The following XXYLT1 variants were observed in gnomAD, a reference collection of about 807,000 sequenced individuals.
XXYLT1 encodes xyloside xylosyltransferase 1.
XXYLT1 carries 20 observed loss-of-function variants against 28.9 expected under a neutral mutation model. The observed-to-expected ratio is 0.69, with a 90% CI of 0.49 to 1.00. The LOEUF is 1.00. Ranked by LOEUF, XXYLT1 falls within the 50% of genes least tolerant of loss-of-function variation. The pLI is 0.00. For missense variants in XXYLT1, 542 were observed against 560.1 expected (o/e 0.97, Z 0.33); for synonymous variants, 257 against 253.8 (o/e 1.01, Z -0.12).
chr3:195,234,419 A>G (rs1401321946), intron 1 of XXYLT1, among the ~76,000 whole-genome samples: 2 of 135,660 alleles, frequency 1.5e-5, no homozygotes, highest in East Asian at 4.6e-4. Flanking sequence ...CCCAGATTAA[A>G]GCGATTGTCC....
At chr3:195,251,066 A>G (rs1725233839) in intron 1 of XXYLT1, among the ~76,000 whole-genome samples, 1 of 152,174 alleles carries the variant, frequency 6.6e-6, no homozygotes, top group South Asian at 2.1e-4. Flanking sequence ...CTGGGATCTG[A>G]GGACTCCCTC....
chr3:195,157,444 T>C (rs1233536458), intron 2 of XXYLT1, among the ~76,000 whole-genome samples: 1 of 152,146 alleles, frequency 6.6e-6, no homozygotes, highest in African/African-American at 2.4e-5. Context: ...GATACCACAG[T>C]GTTTTTAATC....
chr3:195,191,754 C>G (rs1191501166), intron 2 of XXYLT1, among the ~76,000 whole-genome samples: 1 of 152,158 alleles, frequency 6.6e-6, no homozygotes, highest in African/African-American at 2.4e-5. Context: ...GACTTTACAA[C>G]AAGATCATTA....
intron 3 of XXYLT1, among the ~76,000 whole-genome samples, chr3:195,106,772 G>A (rs1303171925): frequency 6.6e-6 from 1 of 152,220 alleles, no homozygotes; most frequent in Non-Finnish European, 1.5e-5. Context: ...TGCCACCTCT[G>A]TCTGCCTCAG....
chr3:195,220,000 G>A (rs746751714), intron 2 of XXYLT1, among the ~76,000 whole-genome samples: 8 of 152,248 alleles, frequency 5.3e-5, no homozygotes, highest in Non-Finnish European at 7.4e-5. Context: ...ATAGATCTCC[G>A]CAGGAAACGA....
At position 195,271,123 on chromosome 3, in the gene XXYLT1, CGGCGGCCACTTAGCCCCGGCGCCA is replaced by C. The variant is rs943669320; in HGVS notation, c.-89_-66del. 9.6e-5 allele frequency: 122 copies of C among 1,272,162 alleles called. No homozygotes were observed. The African/African-American group carries it at 1.7e-3, about 18-fold the overall frequency. The allele number at this position is 1,272,162 out of a possible 1,614,324, so 78.8% of individuals were successfully genotyped here. A position where few individuals can be genotyped will look rare whatever the true frequency, so the allele number is the denominator to read the frequency against. On this transcript the variant is annotated 5_prime_UTR_variant, in exon 1 of 4. It removes the in-frame stop codon of an upstream open reading frame in the 5' UTR. Transcript: ENST00000310380. ...GGAGAGCCCTCGGGTACCCGGACGC[CGGCGGCCACTTAGCCCCGGCGCCA>C]GGCGGCGGCCATGAAAGGGGCGGGG...
intron 2 of XXYLT1, among the ~76,000 whole-genome samples, chr3:195,167,951 C>T (rs757819693): frequency 1.5e-4 from 23 of 152,196 alleles, no homozygotes; most frequent in Admixed American, 3.3e-4. Context: ...CACTCATACT[C>T]GATGAAGAAA....
At chr3:195,183,897 GATCGAAGGGCT>G in intron 2 of XXYLT1, among the ~76,000 whole-genome samples, 1 of 152,322 alleles carries the variant, frequency 6.6e-6, no homozygotes, top group Admixed American at 6.5e-5. Context: ...CACTTCCCAG[GATCGAAGGGCT>G]ATGTGATCCA....
At chr3:195,141,089 C>T (rs958835429) in intron 3 of XXYLT1, among the ~76,000 whole-genome samples, 4 of 152,204 alleles carry the variant, frequency 2.6e-5, no homozygotes, top group Admixed American at 6.5e-5. Flanking sequence ...GATCTGCCAG[C>T]ACCTTGATCT....
chr3:195,180,617 A>T lies in XXYLT1; in HGVS notation c.653-24036T>A, dbSNP rs1184935577. ...AGCGTGATGTGGCCCCGTCTGGCTA[A>T]GAGCACCAGACGGCGGTGGCTGGAG... On this transcript the variant is annotated intron_variant, in intron 2 of 3. Transcript: ENST00000310380. This position sits in a 1 kb window ranked among gnomAD's most constrained non-coding sequence, Gnocchi z 5.8. 2.1e-6 allele frequency: 2 copies of T among 934,136 alleles called. No homozygotes were observed. The highest frequency in any genetic ancestry group is 3.6e-5 in the African/African-American group (2 of 56,306). 57.9% of individuals were successfully genotyped at this position (934,136 alleles called of 1,614,324 possible). A position where few individuals can be genotyped will look rare whatever the true frequency, so the allele number is the denominator to read the frequency against.
At chr3:195,102,525 A>G (rs1260726756) in intron 3 of XXYLT1, among the ~76,000 whole-genome samples, 4 of 152,062 alleles carry the variant, frequency 2.6e-5, no homozygotes, top group Non-Finnish European at 4.4e-5. Context: ...GATTCTACAT[A>G]TAAGTGAGAT....
chr3:195,108,988 T>C (rs56268394), intron 3 of XXYLT1, among the ~76,000 whole-genome samples: 105,273 of 152,054 alleles, frequency 0.69, 36,776 homozygotes, highest in Middle Eastern at 0.72. Flanking sequence ...GCTTTACCTG[T>C]ATTTTCTTTA....
At chr3:195,081,178 C>G (rs1339398332) in intron 3 of XXYLT1, among the ~76,000 whole-genome samples, 2 of 152,062 alleles carry the variant, frequency 1.3e-5, no homozygotes, top group Non-Finnish European at 2.9e-5. Flanking sequence ...TTCTGACAAG[C>G]CCCCAGGGAT....
At chr3:195,253,699 A>G (rs1394068788) in intron 1 of XXYLT1, among the ~76,000 whole-genome samples, 1 of 151,786 alleles carries the variant, frequency 6.6e-6, no homozygotes, top group African/African-American at 2.4e-5. Context: ...GGGTTTCACT[A>G]TGTTGGCCAG....
intron 3 of XXYLT1, among the ~76,000 whole-genome samples, chr3:195,134,872 TGTGCGCGCGTGC>T (rs1370537224): frequency 2.8e-4 from 25 of 88,504 alleles, no homozygotes; most frequent in African/African-American, 9.6e-4. Context: ...TGTGTGTGCG[TGTGCGCGCGTGC>T]GCGCACGTGC....
chr3:195,234,884 G>C (rs961237677), intron 1 of XXYLT1, among the ~76,000 whole-genome samples: 5 of 151,902 alleles, frequency 3.3e-5, no homozygotes, highest in African/African-American at 1.2e-4. Context: ...TCCTGTACTT[G>C]AATATTTATA....
chr3:195,088,739 G>A (rs1715960922), intron 3 of XXYLT1, among the ~76,000 whole-genome samples: 1 of 140,574 alleles, frequency 7.1e-6, no homozygotes, highest in Non-Finnish European at 1.5e-5. Flanking sequence ...AGCTACGGGA[G>A]GACATTCAAA....
At position 195,217,114 on chromosome 3, in the gene XXYLT1, C is replaced by T. The variant is rs1340558012; in HGVS notation, c.652+9595G>A. On this transcript the variant is annotated intron_variant, in intron 2 of 3. Transcript: ENST00000310380. Reference sequence around the variant, plus strand: ...AAAGCCTTTGATAAAATTCAACAACCCTTCATGCTAAAAACTCTCAATAAA... The same window carrying T: ...AAAGCCTTTGATAAAATTCAACAACTCTTCATGCTAAAAACTCTCAATAAA... Among the ~76,000 whole-genome samples, 2 of 132,252 alleles carry T rather than the reference C, an allele frequency of 1.5e-5. 1 individual carries two copies. The highest frequency in any genetic ancestry group is 7.1e-5 in the African/African-American group (2 of 28,014). 86.8% of individuals were successfully genotyped at this position (132,252 alleles called of 152,430 possible). A position where few individuals can be genotyped will look rare whatever the true frequency, so the allele number is the denominator to read the frequency against.
At chr3:195,121,967 C>T in intron 3 of XXYLT1, 1 of 694,250 alleles carries the variant, frequency 1.4e-6, no homozygotes, top group East Asian at 2.7e-5. Flanking sequence ...TTAGTTCAAG[C>T]TATTATAACA....
Sources: allele counts gnomAD v4.1 joint callset (sites outside exome capture counted in the v4.1 genomes callset), GRCh38; gene constraint gnomAD v4.1.1; non-coding constraint Gnocchi (gnomAD v3.1); transcripts MANE v1.5; gene names NCBI Gene and HGNC (gene_info 2026-07-23, HGNC 2026-07-21).